Variants in CRY1 observed in about 807,000 individuals in gnomAD.
CRY1 encodes the protein cryptochrome circadian regulator 1.
Under a neutral mutation model 76.0 loss-of-function variants are expected in CRY1, and 45 were observed. That is an observed-to-expected ratio of 0.59 (90% CI 0.47 to 0.76). The LOEUF is 0.76. Among genes scored for constraint, CRY1 ranks in the 30% least tolerant of loss-of-function variants. The pLI is 0.00. For synonymous variants in CRY1, 248 were observed against 244.0 expected, an observed-to-expected ratio of 1.02 and a Z score of -0.15; for missense variants, 587 against 716.4, an observed-to-expected ratio of 0.82 and a Z score of 2.06.
At chr12:107,060,499 T>G (rs142816383) in intron 1 of CRY1, among the ~76,000 whole-genome samples, 44 of 152,294 alleles carry the variant, frequency 2.9e-4, no homozygotes, top group African/African-American at 1.0e-3. Flanking sequence ...TCATTAAAAA[T>G]TACCCAGTCT....
chr12:107,035,314 A>G (rs1565832346), intron 1 of CRY1, among the ~76,000 whole-genome samples: 2 of 152,212 alleles, frequency 1.3e-5, no homozygotes, highest in African/African-American at 2.4e-5. Flanking sequence ...CAATCTATCC[A>G]GTAATGTATC....
At chr12:107,072,443 A>C (rs1380395420) in intron 1 of CRY1, among the ~76,000 whole-genome samples, 1 of 152,176 alleles carries the variant, frequency 6.6e-6, no homozygotes, top group African/African-American at 2.4e-5. Context: ...GAATCTCGAA[A>C]TTGCTATAAA....
intron 1 of CRY1, among the ~76,000 whole-genome samples, chr12:107,047,774 A>G (rs10746077): frequency 0.7 from 106,537 of 151,950 alleles, 38,298 homozygotes; most frequent in East Asian, 0.97. Flanking sequence ...ACAGCGGTAT[A>G]AGAACAGACT....
intron 1 of CRY1, among the ~76,000 whole-genome samples, chr12:107,054,650 GAAAAA>G (rs112933503): frequency 1.0e-5 from 1 of 98,852 alleles, no homozygotes; most frequent in Non-Finnish European, 2.2e-5. Context: ...CAGAAAGTTT[GAAAAA>G]AAAAAAAAGG....
chr12:107,066,244 G>T (rs1953108927), intron 1 of CRY1, among the ~76,000 whole-genome samples: 1 of 152,048 alleles, frequency 6.6e-6, no homozygotes, highest in African/African-American at 2.4e-5. Flanking sequence ...ATTTTTAAAA[G>T]TTTATCCTAA....
intron 2 of CRY1, among the ~76,000 whole-genome samples, chr12:107,005,689 T>C (rs1304651261): frequency 6.6e-6 from 1 of 152,210 alleles, no homozygotes; most frequent in Non-Finnish European, 1.5e-5. Context: ...TTATGTCTGT[T>C]GAGTCTAAGA....
chr12:107,040,289 T>G (rs1164790386), intron 1 of CRY1, among the ~76,000 whole-genome samples: 1 of 89,924 alleles, frequency 1.1e-5, no homozygotes, highest in Non-Finnish European at 1.8e-5. Flanking sequence ...TTTTTTTAGT[T>G]TTTTTTTTTT....
At chr12:107,035,252 T>A (rs886697231) in intron 1 of CRY1, among the ~76,000 whole-genome samples, 1 of 152,206 alleles carries the variant, frequency 6.6e-6, no homozygotes, top group African/African-American at 2.4e-5. Flanking sequence ...GTTTGGCCAA[T>A]GGTCAAGATT....
At chr12:107,062,990 T>C (rs1953064981) in intron 1 of CRY1, among the ~76,000 whole-genome samples, 1 of 152,238 alleles carries the variant, frequency 6.6e-6, no homozygotes, top group Non-Finnish European at 1.5e-5. Flanking sequence ...TATAAGGTAG[T>C]ATTTGATTTT....
chr12:106,991,772 T>C lies in CRY1; in HGVS notation c.*230A>G, dbSNP rs1208257203. 6.6e-6 allele frequency: 1 copy of C among 152,594 alleles called. No individual in the cohort carries two copies. Among genetic ancestry groups the C allele is most frequent in the Non-Finnish European group, 1.5e-5 (1 of 67,986 alleles). The allele number at this position is 152,594 out of a possible 1,614,324, so 9.5% of individuals were successfully genotyped here. On this transcript the variant is annotated 3_prime_UTR_variant, in exon 13 of 13. Coordinates refer to ENST00000008527, the MANE Select transcript of CRY1 (RefSeq NM_004075.5). ...GATGGGTCTATACTAATTGTGACTG[T>C]TTATATTTACATTAAGCAAATTCTC...
At chr12:107,034,426 C>T (rs1952711345) in intron 1 of CRY1, among the ~76,000 whole-genome samples, 1 of 152,132 alleles carries the variant, frequency 6.6e-6, no homozygotes, top group Non-Finnish European at 1.5e-5. Context: ...ACCCATGATG[C>T]TGCTCTGTCT....
At chr12:107,070,478 T>A (rs1383091277) in intron 1 of CRY1, among the ~76,000 whole-genome samples, 1 of 151,924 alleles carries the variant, frequency 6.6e-6, no homozygotes, top group Non-Finnish European at 1.5e-5. Context: ...ATAACCACAA[T>A]GTATACTGTA....
At chr12:107,071,129 G>A (rs963413537) in intron 1 of CRY1, among the ~76,000 whole-genome samples, 2 of 151,928 alleles carry the variant, frequency 1.3e-5, no homozygotes, top group African/African-American at 4.8e-5. Flanking sequence ...CTTTTATACT[G>A]CATTAGTTAG....
At chr12:107,070,985 T>C (rs1298934543) in intron 1 of CRY1, among the ~76,000 whole-genome samples, 1 of 151,870 alleles carries the variant, frequency 6.6e-6, no homozygotes, top group Non-Finnish European at 1.5e-5. Flanking sequence ...ATTACAGGCG[T>C]GAGCCACAGC....
chr12:107,089,871 T>G (rs550487204), intron 1 of CRY1, among the ~76,000 whole-genome samples: 2 of 152,310 alleles, frequency 1.3e-5, no homozygotes, highest in South Asian at 4.1e-4. Context: ...AAACAATAAT[T>G]GAGCTACTAC....
intron 1 of CRY1, among the ~76,000 whole-genome samples, chr12:107,074,415 T>C (rs1358703274): frequency 6.6e-6 from 1 of 152,182 alleles, no homozygotes; most frequent in Admixed American, 6.5e-5. Context: ...GATATTTAAT[T>C]TGTTGTTGCT....
intron 1 of CRY1, among the ~76,000 whole-genome samples, chr12:107,028,760 G>A (rs1952643558): frequency 1.3e-5 from 2 of 152,130 alleles, no homozygotes. Flanking sequence ...GACTAACACA[G>A]TTGTGTTACT....
At chr12:107,081,407 T>C (rs1953323725) in intron 1 of CRY1, among the ~76,000 whole-genome samples, 2 of 152,076 alleles carry the variant, frequency 1.3e-5, no homozygotes, top group South Asian at 4.1e-4. Context: ...AAAAAGGCTC[T>C]TTCCCCAGAT....
At chr12:107,033,191 T>A (rs1952697209) in intron 1 of CRY1, among the ~76,000 whole-genome samples, 1 of 152,102 alleles carries the variant, frequency 6.6e-6, no homozygotes, top group Non-Finnish European at 1.5e-5. Flanking sequence ...AACTTAAAAC[T>A]TACCAAAATG....
Sources: gnomAD v4.1 joint callset for allele counts (sites outside exome capture counted in the v4.1 genomes callset) on GRCh38, gnomAD v4.1.1 for gene constraint, MANE v1.5 for transcripts, NCBI Gene and HGNC (gene_info 2026-07-23, HGNC 2026-07-21) for gene names.